LSAMP: variants seen among roughly 807,000 people sequenced by gnomAD.
The protein encoded by LSAMP is limbic system associated membrane protein.
LSAMP carries 7 observed loss-of-function variants against 38.6 expected under a neutral mutation model. The ratio of observed to expected loss-of-function variants is 0.18; its 90% CI spans 0.10 to 0.34. LSAMP has a LOEUF of 0.34. LSAMP is among the 10% of genes least tolerant of loss of function. The pLI is 1.00. For missense variants in LSAMP, 313 were observed against 420.0 expected, an observed-to-expected ratio of 0.75 and a Z score of 2.23; for synonymous variants, 154 against 166.8, an observed-to-expected ratio of 0.92 and a Z score of 0.59.
intron 3 of LSAMP, among the ~76,000 whole-genome samples, chr3:115,898,903 T>TGC (rs1936799120): frequency 1.3e-5 from 2 of 152,086 alleles, no homozygotes; most frequent in African/African-American, 2.4e-5. Context: ...GCTATGAGCA[T>TGC]GCACACTTAA....
chr3:116,274,952 G>C (rs1196199897), intron 1 of LSAMP, among the ~76,000 whole-genome samples: 1 of 44,456 alleles, frequency 2.2e-5, no homozygotes, highest in African/African-American at 5.1e-5. Flanking sequence ...AGTAAAAATA[G>C]CCAAAAAAAA....
At chr3:116,333,069 A>G (rs2047871395) in intron 1 of LSAMP, among the ~76,000 whole-genome samples, 1 of 152,170 alleles carries the variant, frequency 6.6e-6, no homozygotes, top group South Asian at 2.1e-4. Context: ...TTTCAACAAT[A>G]GGACAATCAG....
chr3:115,939,876 C>T (rs1487704468), intron 3 of LSAMP, among the ~76,000 whole-genome samples: 5 of 151,976 alleles, frequency 3.3e-5, no homozygotes, highest in Non-Finnish European at 5.9e-5. Flanking sequence ...GTTTTGTGTC[C>T]AGCATTGGTT....
chr3:115,857,119 T>C (rs1018600222), intron 3 of LSAMP, among the ~76,000 whole-genome samples: 1 of 152,194 alleles, frequency 6.6e-6, no homozygotes, highest in African/African-American at 2.4e-5. Context: ...TTATCTGCCA[T>C]GTGGAGTTAT....
At chr3:116,161,975 A>G (rs961473721) in intron 1 of LSAMP, among the ~76,000 whole-genome samples, 60 of 152,010 alleles carry the variant, frequency 3.9e-4, no homozygotes, top group African/African-American at 1.4e-3. Flanking sequence ...TGCAGAAATG[A>G]GAGTACATAA....
chr3:116,314,130 C>A (rs2047597782), intron 1 of LSAMP, among the ~76,000 whole-genome samples: 1 of 152,158 alleles, frequency 6.6e-6, no homozygotes, highest in African/African-American at 2.4e-5. Flanking sequence ...TAGTTTGTAG[C>A]CAACCTAGAA....
intron 1 of LSAMP, among the ~76,000 whole-genome samples, chr3:116,314,230 A>G (rs2047599226): frequency 6.6e-6 from 1 of 152,238 alleles, no homozygotes; most frequent in Admixed American, 6.5e-5. Context: ...ATAATTATAT[A>G]ACCTGGATAA....
intron 1 of LSAMP, among the ~76,000 whole-genome samples, chr3:116,099,603 C>T (rs775037029): frequency 1.4e-4 from 21 of 152,152 alleles, no homozygotes; most frequent in Non-Finnish European, 2.4e-4. Context: ...CTGGCTCTAT[C>T]ATGGCCACTC....
At chr3:116,344,325 G>T (rs578036863) in intron 1 of LSAMP, among the ~76,000 whole-genome samples, 1 of 152,014 alleles carries the variant, frequency 6.6e-6, no homozygotes, top group African/African-American at 2.4e-5. Flanking sequence ...CCAGAAATCC[G>T]TTAATCACTT....
chr3:116,026,462 C>A (rs1940795129), intron 2 of LSAMP, among the ~76,000 whole-genome samples: 1 of 152,144 alleles, frequency 6.6e-6, no homozygotes, highest in Non-Finnish European at 1.5e-5. Context: ...GTGGAATAGA[C>A]ATATATGATT....
chr3:115,861,694 G>A (rs1163191912), intron 3 of LSAMP, among the ~76,000 whole-genome samples: 1 of 152,178 alleles, frequency 6.6e-6, no homozygotes, highest in Non-Finnish European at 1.5e-5. Context: ...CGAATTAGGA[G>A]GGGGTACTTA....
rs200984188 is a variant in LSAMP, at chr3:115,858,532, G to GT, written c.515-5916dup. On this transcript the variant is annotated intron_variant, in intron 3 of 6. Coordinates refer to ENST00000490035, the MANE Select transcript of LSAMP (RefSeq NM_002338.5). ...CACTGTTCTGAGAAGACTTTTATAA[G>GT]TATAGCATCTCGGTAGATCAATCTT... 4.8e-3 allele frequency among the ~76,000 whole-genome samples: 738 copies of GT among 152,248 alleles called. 10 individuals carry two copies. Among genetic ancestry groups the GT allele is most frequent in the African/African-American group, 0.017 (719 of 41,538 alleles).
chr3:115,854,287 T>TATTA (rs1404953951), intron 3 of LSAMP, among the ~76,000 whole-genome samples: 1 of 103,224 alleles, frequency 9.7e-6, no homozygotes, highest in African/African-American at 3.5e-5. Context: ...TTATTATTTT[T>TATTA]TTTTTTTTTT....
At chr3:116,372,891 T>G (rs905626085) in intron 1 of LSAMP, among the ~76,000 whole-genome samples, 1 of 149,648 alleles carries the variant, frequency 6.7e-6, no homozygotes, top group Non-Finnish European at 1.5e-5. Context: ...GAATATAACA[T>G]GTGTTGGTGA....
At chr3:116,394,634 G>A (rs188481958) in intron 1 of LSAMP, among the ~76,000 whole-genome samples, 23 of 152,140 alleles carry the variant, frequency 1.5e-4, no homozygotes, top group Admixed American at 1.1e-3. Flanking sequence ...ACAATTTTAC[G>A]CAGAAAGAAA....
chr3:116,085,558 G>A (rs1418056038), intron 2 of LSAMP, among the ~76,000 whole-genome samples: 1 of 152,184 alleles, frequency 6.6e-6, no homozygotes, highest in Non-Finnish European at 1.5e-5. Flanking sequence ...TGAAACTGCT[G>A]GTGGTTGGGC....
intron 3 of LSAMP, among the ~76,000 whole-genome samples, chr3:115,959,582 A>G (rs957543324): frequency 6.6e-6 from 1 of 152,194 alleles, no homozygotes; most frequent in African/African-American, 2.4e-5. Flanking sequence ...TATAAGAATA[A>G]TCTTACTTTG....
intron 3 of LSAMP, among the ~76,000 whole-genome samples, chr3:115,900,316 A>G (rs911178744): frequency 6.6e-6 from 1 of 152,074 alleles, no homozygotes; most frequent in Non-Finnish European, 1.5e-5. Context: ...GGAGTTCAAG[A>G]GCAGCCTGGC....
intron 1 of LSAMP, among the ~76,000 whole-genome samples, chr3:116,089,272 C>A (rs572179489): frequency 1.3e-5 from 2 of 152,326 alleles, no homozygotes; most frequent in Admixed American, 1.3e-4. Flanking sequence ...TGTTTTTGAT[C>A]TGGGTTTTAT....
Sources: allele counts gnomAD v4.1 joint callset (sites outside exome capture counted in the v4.1 genomes callset), GRCh38; gene constraint gnomAD v4.1.1; transcripts MANE v1.5; gene names NCBI Gene and HGNC (gene_info 2026-07-23, HGNC 2026-07-21).